The following DOCK3 variants were observed in gnomAD, a reference collection of about 807,000 sequenced individuals.
DOCK3 encodes the protein dedicator of cytokinesis protein 3.
A neutral mutation model predicts 265.6 loss-of-function variants in DOCK3; 60 were observed. The ratio of observed to expected loss-of-function variants is 0.23; its 90% CI spans 0.18 to 0.28. The LOEUF is 0.28. Among genes scored for constraint, DOCK3 ranks in the 10% least tolerant of loss-of-function variants. The pLI is 1.00. For missense variants in DOCK3, 1,981 were observed against 2,594.3 expected, an observed-to-expected ratio of 0.76 and a Z score of 5.14; for synonymous variants, 881 against 938.0, an observed-to-expected ratio of 0.94 and a Z score of 1.11.
At chr3:50,743,000 G>A (rs1181870704) in intron 1 of DOCK3, among the ~76,000 whole-genome samples, 1 of 152,188 alleles carries the variant, frequency 6.6e-6, no homozygotes, top group Non-Finnish European at 1.5e-5. Context: ...TCTCTCGGCA[G>A]AAACTCTACA....
intron 1 of DOCK3, among the ~76,000 whole-genome samples, chr3:50,756,356 G>A (rs1220057142): frequency 1.3e-5 from 2 of 152,112 alleles, no homozygotes; most frequent in Non-Finnish European, 2.9e-5. Flanking sequence ...CCATCTCCAG[G>A]TGTTTTCTAT....
At chr3:51,365,517 C>T (rs1466568332) in intron 49 of DOCK3, among the ~76,000 whole-genome samples, 1 of 152,172 alleles carries the variant, frequency 6.6e-6, no homozygotes, top group Non-Finnish European at 1.5e-5. Flanking sequence ...GAACTTCCAA[C>T]ACTATGTTGA....
At chr3:51,307,573 T>C (rs2082755344) in intron 27 of DOCK3, among the ~76,000 whole-genome samples, 1 of 152,218 alleles carries the variant, frequency 6.6e-6, no homozygotes, top group Non-Finnish European at 1.5e-5. Flanking sequence ...TGTGTATGTG[T>C]TGGGGCTCAC....
intron 5 of DOCK3, 59 bp from the exon 6 acceptor site, chr3:51,064,389 C>T: frequency 3.8e-6 from 6 of 1,589,164 alleles, no homozygotes; most frequent in Middle Eastern, 1.9e-4. Context: ...TTCTCTTTTT[C>T]TTTTCATTCC....
intron 1 of DOCK3, among the ~76,000 whole-genome samples, chr3:50,712,774 C>A (rs2036855206): frequency 6.6e-6 from 1 of 152,092 alleles, no homozygotes; most frequent in Non-Finnish European, 1.5e-5. Flanking sequence ...TTTGTATATT[C>A]CCTAATTTTC....
chr3:50,959,811 A>AC (rs2076838354), intron 5 of DOCK3, among the ~76,000 whole-genome samples: 1 of 151,890 alleles, frequency 6.6e-6, no homozygotes, highest in Non-Finnish European at 1.5e-5. Context: ...CGATCTCCTG[A>AC]CCTCGTGATC....
chr3:51,216,281 G>A lies in DOCK3; in HGVS notation c.1252+2034G>A, dbSNP rs2089782261. Among the ~76,000 whole-genome samples the A allele has an allele frequency of 2.0e-5, 3 of 152,182 alleles. No homozygotes were observed. In the South Asian group the frequency reaches 6.2e-4, roughly 31 times the overall value. On this transcript the variant is annotated intron_variant, in intron 14 of 52. Transcript: ENST00000266037. ...GTTACATTGTCAAAACCTCATCTGT[G>A]GAAAGAAATCTTTTTTAGGATACTC...
chr3:51,381,028 A>G lies in DOCK3; in HGVS notation c.5584-22A>G, dbSNP rs782443708. The G allele has an allele frequency of 1.9e-5, 29 of 1,560,404 alleles. No individual in the cohort carries two copies. Among genetic ancestry groups the G allele is most frequent in the Non-Finnish European group, 2.4e-5 (28 of 1,151,706 alleles). ...CCTGTCTGGAGAGAGGGATTCTAAC[A>G]TGCCCACCCTTTCCTTCGCAGTCTC... On this transcript the variant is annotated intron_variant, in intron 52 of 52. Transcript: ENST00000266037. The surrounding 1 kb of genome is among the most constrained non-coding windows in gnomAD (Gnocchi z 5.6).
intron 12 of DOCK3, among the ~76,000 whole-genome samples, chr3:51,180,225 A>AACACACAC (rs1553780899): frequency 1.4e-5 from 2 of 145,494 alleles, no homozygotes; most frequent in African/African-American, 2.6e-5. Flanking sequence ...AAAAAAAAAA[A>AACACACAC]ACACACACAC....
At chr3:51,181,417 T>C (rs1051506537) in intron 12 of DOCK3, among the ~76,000 whole-genome samples, 2 of 151,752 alleles carry the variant, frequency 1.3e-5, no homozygotes, top group African/African-American at 4.8e-5. Flanking sequence ...GATAGTTTGC[T>C]GAGAATGATG....
chr3:51,286,960 C>T (rs2081440923), intron 27 of DOCK3, among the ~76,000 whole-genome samples: 1 of 152,054 alleles, frequency 6.6e-6, no homozygotes, highest in Non-Finnish European at 1.5e-5. Context: ...GCAACAAAAG[C>T]AAAAATTGAC....
chr3:50,859,657 G>A (rs1320736727), intron 3 of DOCK3, among the ~76,000 whole-genome samples: 2 of 152,148 alleles, frequency 1.3e-5, no homozygotes, highest in East Asian at 1.9e-4. Flanking sequence ...TTTTCACCAA[G>A]CTGAGGCTTT....
At chr3:50,910,223 T>C (rs2049789397) in intron 4 of DOCK3, among the ~76,000 whole-genome samples, 1 of 152,114 alleles carries the variant, frequency 6.6e-6, no homozygotes, top group Non-Finnish European at 1.5e-5. Flanking sequence ...GCTCCTGTCA[T>C]TTCAGCCATC....
At chr3:51,046,863 A>G (rs575945939) in intron 5 of DOCK3, among the ~76,000 whole-genome samples, 1 of 152,320 alleles carries the variant, frequency 6.6e-6, no homozygotes, top group South Asian at 2.1e-4. Flanking sequence ...ATCACTTTAA[A>G]TATATTTTCT....
At position 50,796,207 on chromosome 3, in the gene DOCK3, A is replaced by AT. The variant is rs888553215; in HGVS notation, c.121+17458dup. ...AGGCGCCCACCACCATGCCCAGCTA[A>AT]TTTTTTTTTGTATTTTTAGTAGAGA... On this transcript the variant is annotated intron_variant, in intron 2 of 52. Coordinates refer to ENST00000266037, the MANE Select transcript of DOCK3 (RefSeq NM_004947.5). Among the ~76,000 whole-genome samples, 297 of 147,150 alleles carry AT rather than the reference A, an allele frequency of 2.0e-3. 1 individual carries two copies. Among genetic ancestry groups the AT allele is most frequent in the Middle Eastern group, 3.5e-3 (1 of 284 alleles).
At chr3:51,092,747 A>G (rs1377064900) in intron 9 of DOCK3, among the ~76,000 whole-genome samples, 1 of 152,112 alleles carries the variant, frequency 6.6e-6, no homozygotes, top group African/African-American at 2.4e-5. Flanking sequence ...GCCTACAGAC[A>G]CCTTATACAA....
intron 3 of DOCK3, among the ~76,000 whole-genome samples, chr3:50,850,819 C>G (rs972792505): frequency 6.6e-6 from 1 of 152,168 alleles, no homozygotes; most frequent in Non-Finnish European, 1.5e-5. Flanking sequence ...ACAGTTCAAC[C>G]TACAAGCCAA....
intron 23 of DOCK3, among the ~76,000 whole-genome samples, chr3:51,264,394 C>G (rs906451786): frequency 1.3e-5 from 2 of 152,108 alleles, no homozygotes; most frequent in African/African-American, 2.4e-5. Flanking sequence ...TGGGACACAG[C>G]TAAAGCAGTG....
chr3:51,175,014 TAC>T (rs2086867846), intron 12 of DOCK3, among the ~76,000 whole-genome samples: 1 of 152,190 alleles, frequency 6.6e-6, no homozygotes, highest in South Asian at 2.1e-4. Flanking sequence ...GTTACAGATG[TAC>T]AGACTGTTGT....
Sources: gnomAD v4.1 joint callset for allele counts (sites outside exome capture counted in the v4.1 genomes callset) on GRCh38, gnomAD v4.1.1 for gene constraint, Gnocchi (gnomAD v3.1) non-coding constraint, MANE v1.5 for transcripts, NCBI Gene and HGNC (gene_info 2026-07-23, HGNC 2026-07-21) for gene names.